Variants in DCAF10 observed in about 807,000 individuals in gnomAD.
DCAF10 encodes the protein DDB1 and CUL4 associated factor 10.
DCAF10 carries 19 observed loss-of-function variants against 51.9 expected under a neutral mutation model. That is an observed-to-expected ratio of 0.37 (90% CI 0.26 to 0.54). The LOEUF is 0.54. Among genes scored for constraint, DCAF10 ranks in the 20% least tolerant of loss-of-function variants. The probability of loss-of-function intolerance (pLI) is 0.87; values close to 1 mark genes in which losing one functional copy is unlikely to be tolerated. For synonymous variants in DCAF10, 291 were observed against 297.1 expected, an observed-to-expected ratio of 0.98 and a Z score of 0.21; for missense variants, 510 against 730.6, an observed-to-expected ratio of 0.70 and a Z score of 3.48.
At chr9:37,842,906 A>C (rs1830375580) in intron 3 of DCAF10, among the ~76,000 whole-genome samples, 1 of 152,264 alleles carries the variant, frequency 6.6e-6, no homozygotes, top group East Asian at 1.9e-4. Flanking sequence ...CTTATAAAGA[A>C]ATTGATATTT....
chr9:37,811,664 A>T (rs940135450), intron 1 of DCAF10, among the ~76,000 whole-genome samples: 8 of 152,188 alleles, frequency 5.3e-5, no homozygotes, highest in African/African-American at 1.7e-4. Context: ...AGAATAGATG[A>T]GAAAAAAATA....
chr9:37,824,790 A>G (rs975163992), intron 2 of DCAF10, among the ~76,000 whole-genome samples: 3 of 152,160 alleles, frequency 2.0e-5, no homozygotes, highest in Non-Finnish European at 4.4e-5. Context: ...GATAGAAATT[A>G]TCAATATCAG....
intron 2 of DCAF10, 61 bp downstream of exon 2, chr9:37,819,462 A>C (rs1829641500): frequency 1.6e-6 from 2 of 1,288,032 alleles, no homozygotes; most frequent in South Asian, 2.5e-5. Flanking sequence ...CTGTTTTGGA[A>C]GTTAGTGAAA....
At chr9:37,811,406 C>T (rs534409144) in intron 1 of DCAF10, among the ~76,000 whole-genome samples, 3 of 152,012 alleles carry the variant, frequency 2.0e-5, no homozygotes, top group Admixed American at 1.3e-4. Context: ...TATACAGTGA[C>T]GAGCACTAGT....
In DCAF10 at chr9:37,865,772, A is replaced by G. The variant is rs1831124869; in HGVS notation, c.*4264A>G. 3 of 152,194 alleles carry G rather than the reference A, an allele frequency of 2.0e-5. No individual in the cohort carries two copies. In the South Asian group the frequency reaches 6.2e-4, roughly 31 times the overall value. 9.4% of individuals were successfully genotyped at this position (152,194 alleles called of 1,614,324 possible). On this transcript the variant is annotated 3_prime_UTR_variant, in exon 7 of 7. Transcript: ENST00000377724. ...TTCCTCAGAAGCCCAAAGCACATGT[A>G]TATTTTGTTATTTCTCCTTGCTATA...
chr9:37,804,643 G>A (rs1319995062), intron 1 of DCAF10, among the ~76,000 whole-genome samples: 1 of 152,060 alleles, frequency 6.6e-6, no homozygotes, highest in Admixed American at 6.6e-5. Flanking sequence ...GAGCGTGGTG[G>A]TGCATGCCTG....
chr9:37,819,659 T>G (rs1391657312), intron 2 of DCAF10, among the ~76,000 whole-genome samples: 1 of 152,238 alleles, frequency 6.6e-6, no homozygotes, highest in Non-Finnish European at 1.5e-5. Context: ...GGGTCATCAT[T>G]ATGAACCTCA....
chr9:37,852,966 A>AT (rs1830723663), intron 3 of DCAF10, among the ~76,000 whole-genome samples: 21 of 130,720 alleles, frequency 1.6e-4, no homozygotes, highest in South Asian at 9.5e-4. Flanking sequence ...ATATATATAT[A>AT]AATTAGCTTG....
intron 2 of DCAF10, among the ~76,000 whole-genome samples, chr9:37,824,245 G>T (rs1041939277): frequency 6.6e-6 from 1 of 152,066 alleles, no homozygotes; most frequent in Non-Finnish European, 1.5e-5. Flanking sequence ...GTAGGTAATG[G>T]CTACATTACC....
intron 2 of DCAF10, among the ~76,000 whole-genome samples, chr9:37,835,152 G>A (rs771604104): frequency 4.6e-5 from 7 of 152,092 alleles, no homozygotes; most frequent in African/African-American, 7.2e-5. Flanking sequence ...AGCATCATCA[G>A]GGCCGGGCGC....
intron 1 of DCAF10, among the ~76,000 whole-genome samples, chr9:37,815,648 A>AT (rs1829503023): frequency 1.4e-5 from 2 of 146,362 alleles, no homozygotes; most frequent in African/African-American, 2.5e-5. Flanking sequence ...TCTGTCTCCA[A>AT]TAAAAAAAAA....
intron 2 of DCAF10, among the ~76,000 whole-genome samples, chr9:37,834,794 C>CTTTTTTTTT (rs372584446): frequency 0.013 from 1,927 of 144,186 alleles, 73 homozygotes; most frequent in African/African-American, 0.046. Context: ...CAATCACGTA[C>CTTTTTTTTT]TTTTTTTTTT....
chr9:37,807,767 A>G (rs182357252), intron 1 of DCAF10, among the ~76,000 whole-genome samples: 121 of 149,304 alleles, frequency 8.1e-4, no homozygotes, highest in African/African-American at 2.6e-3. Context: ...GGTTCAAGCA[A>G]TTCTCCTGCC....
intron 1 of DCAF10, among the ~76,000 whole-genome samples, chr9:37,818,837 TCTCTACAGTATTTC>T (rs1456195350): frequency 6.6e-6 from 1 of 152,232 alleles, no homozygotes; most frequent in Non-Finnish European, 1.5e-5. Flanking sequence ...CTTTTTAACT[TCTCTACAGTATTTC>T]AAAGTATTGT....
rs199646434 is a variant in DCAF10, at chr9:37,857,195, C to T, written c.1055-46C>T. The T allele has an allele frequency of 6.3e-6, 9 of 1,433,468 alleles. No individual in the cohort carries two copies. In the African/African-American group the frequency reaches 8.7e-5, roughly 14 times the overall value. The allele number at this position is 1,433,468 out of a possible 1,614,324, so 88.8% of individuals were successfully genotyped here. A position where few individuals can be genotyped will look rare whatever the true frequency, so the allele number is the denominator to read the frequency against. ...ATAATTAAAAAGTTAAGAGCCACTA[C>T]CAGAGTTATGCTAGGTTTATTGTCA... On this transcript the variant is annotated intron_variant, in intron 4 of 6. Coordinates refer to ENST00000377724, the MANE Select transcript of DCAF10 (RefSeq NM_024345.5).
intron 2 of DCAF10, among the ~76,000 whole-genome samples, chr9:37,821,104 T>C (rs372861136): frequency 8.4e-4 from 111 of 132,384 alleles, no homozygotes; most frequent in African/African-American, 2.5e-3. Flanking sequence ...TATATATATA[T>C]ACACACACAC....
At chr9:37,846,509 A>AT (rs374899978) in intron 3 of DCAF10, among the ~76,000 whole-genome samples, 6 of 150,576 alleles carry the variant, frequency 4.0e-5, no homozygotes, top group Admixed American at 6.6e-5. Flanking sequence ...TGAATTGGTA[A>AT]TTTTTTTTTT....
Position 37,854,782 on chromosome 9 carries a change from A to G in DCAF10, c.854A>G (p.Tyr285Cys). 1.9e-6 allele frequency: 3 copies of G among 1,613,248 alleles called. No homozygotes were observed. Among genetic ancestry groups the G allele is most frequent in the Non-Finnish European group, 2.5e-6 (3 of 1,179,448 alleles). The change falls in exon 4 of 7, where the codon TAT (tyrosine) becomes TGT (cysteine). Residue 285 changes from tyrosine to cysteine, a missense_variant and splice_region_variant. Physicochemically the swap from Tyr to Cys is radical, Grantham distance 194 (BLOSUM62 -2). Transcript: ENST00000377724. ...GNVIIWDTNR[Y>C]TEDGCPHKKF... ...TGTTGGCTTGGTTTCTCCTGTAGGTATACAGAAGATGGGTGTCCACATAAG... is the reference window on the plus strand; with the variant it reads ...TGTTGGCTTGGTTTCTCCTGTAGGTGTACAGAAGATGGGTGTCCACATAAG...
chr9:37,806,681 G>A (rs761082204), intron 1 of DCAF10, among the ~76,000 whole-genome samples: 1 of 152,234 alleles, frequency 6.6e-6, no homozygotes, highest in East Asian at 1.9e-4. Flanking sequence ...ATCGAGGCCT[G>A]TGGGGATGGT....
Sources: gnomAD v4.1 joint callset for allele counts (sites outside exome capture counted in the v4.1 genomes callset) on GRCh38, gnomAD v4.1.1 for gene constraint, MANE v1.5 for transcripts, NCBI Gene and HGNC (gene_info 2026-07-23, HGNC 2026-07-21) for gene names.